Variants in PER1 observed in about 807,000 individuals in gnomAD.
The protein encoded by PER1 is period circadian regulator 1.
In PER1, 87 loss-of-function variants were observed where a neutral mutation model predicts 125.9. That is an observed-to-expected ratio of 0.69 (90% CI 0.58 to 0.83). PER1 has a LOEUF of 0.83. PER1 is among the 40% of genes least tolerant of loss of function. PER1 has a pLI of 0.00. For synonymous variants in PER1, 801 were observed against 714.7 expected (o/e 1.12, Z -1.93); for missense variants, 1,775 against 1,722.8 (o/e 1.03, Z -0.54).
At chr17:8,147,186 TG>T (rs1982504681) in intron 13 of PER1, 63 bp downstream of exon 13, 2 of 1,544,538 alleles carry the variant, frequency 1.3e-6, no homozygotes, top group Admixed American at 3.9e-5. Flanking sequence ...GGACTGGCAG[TG>T]CTGGTTCCAA....
At position 8,142,343 on chromosome 17, in the gene PER1, C is replaced by CA; in HGVS notation, c.3374dup (p.Leu1126AlafsTer13). The CA allele has an allele frequency of 6.2e-7, 1 of 1,613,850 alleles. No individual in the cohort carries two copies. Among genetic ancestry groups the CA allele is most frequent in the Non-Finnish European group, 8.5e-7 (1 of 1,179,930 alleles). ...TGAGCAGCCAAATGGGATCCTGGAG[C>CA]ACGTACTTAATCACCTGGTCCCCAG... is the stretch of plus-strand genomic sequence containing the variant. On this transcript the variant is annotated frameshift_variant, in exon 21 of 23. Transcript: ENST00000317276. LOFTEE classifies it high-confidence loss of function.
chr17:8,142,816 G>T lies in PER1; in HGVS notation c.3092C>A (p.Ser1031Tyr). The change falls in exon 20 of 23, where the codon TCC becomes TAC. Residue 1031 changes from serine (S) to tyrosine (Y), a missense_variant. By Grantham distance (144) the Ser-to-Tyr change is moderately radical (BLOSUM62 -2). Transcript: ENST00000317276. ...GGAGCCGGAAAGTGCGTCCTGATTG[G>T]AGGACTCAGTGACCTCCGCCTGGAG... is the stretch of plus-strand genomic sequence containing the variant. ...EARLAEVTES[S>Y]NQDALSGSSD... 3.7e-6 allele frequency: 6 copies of T among 1,607,700 alleles called. No individual in the cohort carries two copies. The highest frequency in any genetic ancestry group is 5.1e-6 in the Non-Finnish European group (6 of 1,178,410).
chr17:8,149,532 C>G lies in PER1; in HGVS notation c.783G>C (p.Gln261His). 6.2e-7 allele frequency: 1 copy of G among 1,613,912 alleles called. No individual in the cohort carries two copies. Among genetic ancestry groups the G allele is most frequent in the Non-Finnish European group, 8.5e-7 (1 of 1,179,976 alleles). The part of the protein sequence containing the change: ...GTRFSELLAP[Q>H]DVGVFYGSTA... ...TGGAACCATAGAAGACTCCCACATC[C>G]TGGGGAGCCAGGAGCTCAGAGAAGC... Residue 261 changes from glutamine to histidine, a missense_variant, in exon 6 of 23, where the codon CAG becomes CAC. Coordinates refer to ENST00000317276, the MANE Select transcript of PER1 (RefSeq NM_002616.3).
In PER1 at chr17:8,151,291, C is replaced by T. The variant is rs138827457; in HGVS notation, c.-139-446G>A. 2.5e-3 allele frequency among the ~76,000 whole-genome samples: 386 copies of T among 152,376 alleles called. 1 individual carries two copies. The highest frequency in any genetic ancestry group is 4.1e-3 in the Non-Finnish European group (277 of 68,040). On this transcript the variant is annotated intron_variant, in intron 1 of 22. Coordinates refer to ENST00000317276, the MANE Select transcript of PER1 (RefSeq NM_002616.3). Reference sequence around the variant, plus strand: ...CCGACGTGCGCGGCCCCACCACGCGCTTCCGCCGCCGCCACGGTCGCCAGG... The same window carrying T: ...CCGACGTGCGCGGCCCCACCACGCGTTTCCGCCGCCGCCACGGTCGCCAGG...
rs199766819 is a variant in PER1, at chr17:8,141,017, T to C, written c.*51A>G. The C allele has an allele frequency of 6.7e-5, 104 of 1,555,378 alleles. No homozygotes were observed. In the South Asian group the frequency reaches 8.2e-4, roughly 12 times the overall value. ...CATCTGAGTTCTGAGAATTGGGACA[T>C]AGGAGAAGAAAGCCTCTCATGGACT... is the stretch of plus-strand genomic sequence containing the variant. On this transcript the variant is annotated 3_prime_UTR_variant, in exon 23 of 23. Coordinates refer to ENST00000317276, the MANE Select transcript of PER1 (RefSeq NM_002616.3).
At position 8,142,631 on chromosome 17, in the gene PER1, T is replaced by G. The variant is rs1039007128; in HGVS notation, c.3259+18A>C. 2 of 1,612,188 alleles carry G rather than the reference T, an allele frequency of 1.2e-6. No homozygotes were observed. Among genetic ancestry groups the G allele is most frequent in the Middle Eastern group, 1.7e-4 (1 of 6,050 alleles). ...ATCACTGCCCTACCCTGGGAGATGC[T>G]GGAGGCGGGGTACTCACGAGTGATG... On this transcript the variant is annotated intron_variant, in intron 20 of 22. Transcript: ENST00000317276.
chr17:8,144,007 G>GA, intron 18 of PER1, 131 bp from the exon 19 acceptor site: 1 of 1,380,860 alleles, frequency 7.2e-7, no homozygotes, highest in Non-Finnish European at 9.5e-7. Flanking sequence ...AACCCACACA[G>GA]AACGGGGGAC....
Position 8,150,273 on chromosome 17 carries a change from T to TA in PER1, c.319dup (p.Tyr107LeufsTer21). 1 of 1,567,442 alleles carries TA rather than the reference T, an allele frequency of 6.4e-7. No individual in the cohort carries two copies. The highest frequency in any genetic ancestry group is 8.7e-7 in the Non-Finnish European group (1 of 1,153,304). On this transcript the variant is annotated frameshift_variant, in exon 3 of 23. Transcript: ENST00000317276. LOFTEE classifies it high-confidence loss of function. ...CTCTGAGCTGGCACTCAGGAGGCTGTAGGCAATGGAACTGCTGGGTGGGGA... is the reference window on the plus strand; with the variant it reads ...CTCTGAGCTGGCACTCAGGAGGCTGTAAGGCAATGGAACTGCTGGGTGGGGA...
At chr17:8,152,015 TG>T (rs1159154330) in intron 1 of PER1, among the ~76,000 whole-genome samples, 10 of 152,188 alleles carry the variant, frequency 6.6e-5, no homozygotes, top group Non-Finnish European at 1.5e-5. Context: ...AATAGGGTCC[TG>T]GTACCGGGGC....
Position 8,147,331 on chromosome 17 carries a change from T to TGTC in PER1, c.1545_1547dup (p.Thr516dup). 3 of 1,613,536 alleles carry TGTC rather than the reference T, an allele frequency of 1.9e-6. No homozygotes were observed. The African/African-American group carries it at 4.0e-5, about 22-fold the overall frequency. Reference sequence around the variant, plus strand: ...CAGGGCTGTGGAGAGGGCCTGGGGATGTCACGGCGCCGACTCCACAGAGTC... The same window carrying TGTC: ...CAGGGCTGTGGAGAGGGCCTGGGGATGTCGTCACGGCGCCGACTCCACAGAGTC... On this transcript the variant is annotated inframe_insertion, in exon 13 of 23. Coordinates refer to ENST00000317276, the MANE Select transcript of PER1 (RefSeq NM_002616.3).
rs1982742463 is a variant in PER1, at chr17:8,150,081, G to A, written c.419C>T (p.Thr140Ile). ...TCGAAGCTTGAGCTCTCGAAGTGCT[G>A]TCATGAGTTCCTTCTGAGTCCTTGC... ...ARARTQKELMTALRELKLRLP... is the reference protein window; with the variant it reads ...ARARTQKELMIALRELKLRLP... The change falls in exon 4 of 23, where the codon ACA (threonine) becomes ATA (isoleucine). Residue 140 changes from threonine to isoleucine, a missense_variant. Physicochemically the swap from Thr to Ile is moderately conservative, Grantham distance 89. Coordinates refer to ENST00000317276, the MANE Select transcript of PER1 (RefSeq NM_002616.3). The A allele has an allele frequency of 6.2e-7, 1 of 1,614,224 alleles. No homozygotes were observed. The highest frequency in any genetic ancestry group is 8.5e-7 in the Non-Finnish European group (1 of 1,180,044).
rs758285635 is a variant in PER1, at chr17:8,149,287, G to A, written c.877C>T (p.Gln293Ter). 6.2e-7 allele frequency: 1 copy of A among 1,613,876 alleles called. No homozygotes were observed. ...SAGSGLRDFTQEKSVFCRIRG... is the reference protein window; with the variant it reads ...SAGSGLRDFT ...ATACGGCAGAAGACGGACTTCTCCTGGGTAAAGTCCCTGAGGCCTGAACCT... is the reference window on the plus strand; with the variant it reads ...ATACGGCAGAAGACGGACTTCTCCTAGGTAAAGTCCCTGAGGCCTGAACCT... Residue 293 changes from glutamine to a stop codon, truncating the protein, a stop_gained, in exon 7 of 23, where the codon CAG becomes TAG. Coordinates refer to ENST00000317276, the MANE Select transcript of PER1 (RefSeq NM_002616.3). LOFTEE classifies it high-confidence loss of function.
At position 8,149,760 on chromosome 17, in the gene PER1, T is replaced by G. The variant is rs781131078; in HGVS notation, c.646A>C (p.Asn216His). The G allele has an allele frequency of 9.9e-6, 16 of 1,612,772 alleles. No homozygotes were observed. Among genetic ancestry groups the G allele is most frequent in the African/African-American group, 1.3e-5 (1 of 74,902 alleles). The change falls in exon 5 of 23, where the codon AAC (asparagine) becomes CAC (histidine). Residue 216 changes from asparagine (N) to histidine (H), a missense_variant. Transcript: ENST00000317276. Reference sequence around the variant, plus strand: ...GAGGCCAGGCCGCCGCTGACCTGGTTCTGAAGTGTGTACTCAGACGTGATG... The same window carrying G: ...GAGGCCAGGCCGCCGCTGACCTGGTGCTGAAGTGTGTACTCAGACGTGATG... Reference protein sequence around the residue: ...EHITSEYTLQNQDTFSVAVSF... With the variant: ...EHITSEYTLQHQDTFSVAVSF...
rs199563583 is a variant in PER1 at position 8,146,024 on chromosome 17, C to T, written c.2152G>A (p.Val718Ile). The T allele has an allele frequency of 2.4e-5, 38 of 1,614,014 alleles. No homozygotes were observed. The highest frequency in any genetic ancestry group is 8.0e-5 in the African/African-American group (6 of 75,074). Residue 718 changes from valine (V) to isoleucine (I), a missense_variant, in exon 17 of 23, where the codon GTC becomes ATC. By Grantham distance (29) the Val-to-Ile change is conservative. Coordinates refer to ENST00000317276, the MANE Select transcript of PER1 (RefSeq NM_002616.3). ...LANKAESVVS[V>I]TSQCSFSSTI... ...GAGCTGAAGCTACACTGACTGGTGA[C>T]GGACACCACACTCTCCGCCTTATTG...
intron 7 of PER1, 92 bp from the exon 8 acceptor site, chr17:8,148,878 T>TG: frequency 6.8e-7 from 1 of 1,467,340 alleles, no homozygotes; most frequent in South Asian, 1.2e-5. Context: ...GCAAAGACGC[T>TG]GGGGAGGGGG....
intron 21 of PER1, 149 bp from the exon 22 acceptor site, chr17:8,142,104 G>GA: frequency 8.4e-7 from 1 of 1,193,316 alleles, no homozygotes; most frequent in Non-Finnish European, 1.2e-6. Context: ...TCCAAGACCA[G>GA]GAAACCTGCT....
chr17:8,144,666 G>A, intron 18 of PER1, 85 bp downstream of exon 18: 1 of 1,517,610 alleles, frequency 6.6e-7, no homozygotes, highest in Non-Finnish European at 8.8e-7. Context: ...CCCTGGAGCA[G>A]AAACACCTCC....
At chr17:8,142,136 A>G in intron 21 of PER1, 133 bp downstream of exon 21, 1 of 1,094,044 alleles carries the variant, frequency 9.1e-7, no homozygotes, top group Non-Finnish European at 1.3e-6. Context: ...AGGAACTAGT[A>G]ACAGGGCTCC....
In PER1 at chr17:8,150,233, G is replaced by T; in HGVS notation, c.360C>A (p.Ser120=). 1 of 1,582,574 alleles carries T rather than the reference G, an allele frequency of 6.3e-7. No individual in the cohort carries two copies. Among genetic ancestry groups the T allele is most frequent in the East Asian group, 2.2e-5 (1 of 44,460 alleles). The change falls in exon 3 of 23, where the codon TCC becomes TCA. Residue 120 remains serine, a synonymous_variant. Coordinates refer to ENST00000317276, the MANE Select transcript of PER1 (RefSeq NM_002616.3). ...LSASSEQDNP[S]TSGCSSEQSA... is the part of the protein sequence containing the mutation. ...ACCCGACGTACCTGCAGCCACTGGT[G>T]GACGGGTTGTCCTGCTCTGAGCTGG...
Sources: gnomAD v4.1 joint callset for allele counts (sites outside exome capture counted in the v4.1 genomes callset) on GRCh38, gnomAD v4.1.1 for gene constraint, MANE v1.5 for transcripts, NCBI Gene and HGNC (gene_info 2026-07-23, HGNC 2026-07-21) for gene names.